The following LPGAT1 variants were observed in gnomAD, a reference collection of about 807,000 sequenced individuals.
LPGAT1 encodes acyl-CoA:lysophosphatidylglycerol acyltransferase 1.
A neutral mutation model predicts 47.5 loss-of-function variants in LPGAT1; 11 were observed. That is an observed-to-expected ratio of 0.23 (90% CI 0.15 to 0.38). The LOEUF (loss-of-function observed/expected upper bound fraction) is 0.38, where lower values mean the gene tolerates loss of function less well. Among genes scored for constraint, LPGAT1 ranks in the 10% least tolerant of loss-of-function variants. LPGAT1 has a pLI of 1.00. For synonymous variants in LPGAT1, 138 were observed against 144.2 expected, an observed-to-expected ratio of 0.96 and a Z score of 0.31; for missense variants, 293 against 439.0, an observed-to-expected ratio of 0.67 and a Z score of 2.97.
At chr1:211,788,231 T>C (rs1336729726) in intron 3 of LPGAT1, among the ~76,000 whole-genome samples, 1 of 152,200 alleles carries the variant, frequency 6.6e-6, no homozygotes, top group African/African-American at 2.4e-5. Context: ...CATATTCTAT[T>C]ATGAAGAATA....
chr1:211,765,093 C>T (rs781029458), intron 6 of LPGAT1, among the ~76,000 whole-genome samples: 9 of 152,156 alleles, frequency 5.9e-5, no homozygotes, highest in African/African-American at 9.7e-5. Flanking sequence ...GTGAACTCTC[C>T]GGTAAGCAAA....
chr1:211,828,708 T>C (rs1660621692), intron 2 of LPGAT1, among the ~76,000 whole-genome samples: 1 of 152,224 alleles, frequency 6.6e-6, no homozygotes, highest in Non-Finnish European at 1.5e-5. Context: ...TTTATGGGCA[T>C]CTTCCATGAA....
At position 211,830,668 on chromosome 1, in the gene LPGAT1, G is replaced by GGGCCCTGCCCCGCTCCGGCTGTGGCGC. The variant is rs562759380; in HGVS notation, c.-150_-124dup. 100 of 1,198,832 alleles carry GGGCCCTGCCCCGCTCCGGCTGTGGCGC rather than the reference G, an allele frequency of 8.3e-5. No homozygotes were observed. Among genetic ancestry groups the GGGCCCTGCCCCGCTCCGGCTGTGGCGC allele is most frequent in the Non-Finnish European group, 9.9e-5 (96 of 966,688 alleles). 74.3% of individuals were successfully genotyped at this position (1,198,832 alleles called of 1,614,324 possible). On this transcript the variant is annotated 5_prime_UTR_variant, in exon 1 of 8. Coordinates refer to ENST00000366997, the MANE Select transcript of LPGAT1 (RefSeq NM_014873.3). This position sits in a 1 kb window ranked among gnomAD's most constrained non-coding sequence, Gnocchi z 5.9. ...GGGCCGGCGGAAGAAGGCGGTGGCG[G>GGGCCCTGCCCCGCTCCGGCTGTGGCGC]GGCCCTGCCCCGCTCCGGCTGTGGC... is the stretch of plus-strand genomic sequence containing the variant.
Position 211,744,732 on chromosome 1 carries a change from A to C in LPGAT1, c.*5167T>G, listed in dbSNP as rs1223921648. ...ACAAACATGTATAGTTGAATACATA[A>C]TTTTCTCCCAGAAGAGTGAACTGCT... On this transcript the variant is annotated 3_prime_UTR_variant, in exon 8 of 8. Transcript: ENST00000366997. 1 of 152,244 alleles carries C rather than the reference A, an allele frequency of 6.6e-6. No individual in the cohort carries two copies. The highest frequency in any genetic ancestry group is 1.5e-5 in the Non-Finnish European group (1 of 68,046). The allele number at this position is 152,244 out of a possible 1,614,324, so 9.4% of individuals were successfully genotyped here.
In LPGAT1 at chr1:211,830,529, T is replaced by C; in HGVS notation, c.-28+44A>G. On this transcript the variant is annotated intron_variant, in intron 1 of 7. Transcript: ENST00000366997. This position sits in a 1 kb window ranked among gnomAD's most constrained non-coding sequence, Gnocchi z 5.9. ...CCCCCAGCGCCTCCCCTGGCCCGGC[T>C]CCGCTGCCGCTCTGGGGCCTGCGAC... The C allele has an allele frequency of 4.7e-6, 4 of 859,906 alleles. No homozygotes were observed. Among genetic ancestry groups the C allele is most frequent in the Non-Finnish European group, 4.3e-6 (3 of 700,854 alleles). The allele number at this position is 859,906 out of a possible 1,614,324, so 53.3% of individuals were successfully genotyped here.
intron 2 of LPGAT1, among the ~76,000 whole-genome samples, chr1:211,799,646 C>T (rs1247884431): frequency 6.6e-6 from 1 of 152,046 alleles, no homozygotes; most frequent in African/African-American, 2.4e-5. Context: ...CCAAAGTCCT[C>T]AACAAATAAG....
chr1:211,818,115 G>A (rs980208716), intron 2 of LPGAT1, among the ~76,000 whole-genome samples: 2 of 152,086 alleles, frequency 1.3e-5, no homozygotes, highest in Admixed American at 6.6e-5. Flanking sequence ...GATTACACGC[G>A]TGAACCACCG....
At position 211,830,236 on chromosome 1, in the gene LPGAT1, G is replaced by T. The variant is rs1299175717; in HGVS notation, c.-28+337C>A. 1 of 985,776 alleles carries T rather than the reference G, an allele frequency of 1.0e-6. No homozygotes were observed. Among genetic ancestry groups the T allele is most frequent in the African/African-American group, 1.8e-5 (1 of 57,020 alleles). The allele number at this position is 985,776 out of a possible 1,614,324, so 61.1% of individuals were successfully genotyped here. A position where few individuals can be genotyped will look rare whatever the true frequency, so the allele number is the denominator to read the frequency against. On this transcript the variant is annotated intron_variant, in intron 1 of 7. Coordinates refer to ENST00000366997, the MANE Select transcript of LPGAT1 (RefSeq NM_014873.3). This position sits in a 1 kb window ranked among gnomAD's most constrained non-coding sequence, Gnocchi z 5.9. The stretch of plus-strand genomic sequence containing the variant: ...CGGAGAGCGGGGGCGGGTGTCCCCC[G>T]CCGAGGGGTCGCGGTCATGGACGCG...
intron 6 of LPGAT1, among the ~76,000 whole-genome samples, chr1:211,763,595 A>G (rs1657791899): frequency 6.6e-6 from 1 of 152,232 alleles, no homozygotes; most frequent in Admixed American, 6.5e-5. Context: ...GTTAAGTAAC[A>G]TACGTATATA....
At chr1:211,780,883 C>T (rs929842011) in intron 5 of LPGAT1, among the ~76,000 whole-genome samples, 1 of 129,564 alleles carries the variant, frequency 7.7e-6, no homozygotes, top group Non-Finnish European at 1.6e-5. Flanking sequence ...ATTCTTTCAA[C>T]TCTTATGTAT....
chr1:211,821,451 G>A (rs1660367641), intron 2 of LPGAT1, among the ~76,000 whole-genome samples: 1 of 152,066 alleles, frequency 6.6e-6, no homozygotes, highest in South Asian at 2.1e-4. Flanking sequence ...AAAACAGATG[G>A]AAATGAAGCT....
chr1:211,830,155 G>GCGGGCGCGGCCCGCGCGC lies in LPGAT1; in HGVS notation c.-28+400_-28+417dup. 1.0e-6 allele frequency: 1 copy of GCGGGCGCGGCCCGCGCGC among 983,404 alleles called. No individual in the cohort carries two copies. 60.9% of individuals were successfully genotyped at this position (983,404 alleles called of 1,614,324 possible). A position where few individuals can be genotyped will look rare whatever the true frequency, so the allele number is the denominator to read the frequency against. ...CCGCGGATGTGGAAGGGTCGTGGCG[G>GCGGGCGCGGCCCGCGCGC]CGGGCGCGGCCCGCGCGCCGGGCTC... On this transcript the variant is annotated intron_variant, in intron 1 of 7. Coordinates refer to ENST00000366997, the MANE Select transcript of LPGAT1 (RefSeq NM_014873.3). The surrounding 1 kb of genome is among the most constrained non-coding windows in gnomAD (Gnocchi z 5.9).
At chr1:211,825,587 GC>G (rs1660522225) in intron 2 of LPGAT1, among the ~76,000 whole-genome samples, 1 of 152,038 alleles carries the variant, frequency 6.6e-6, no homozygotes, top group African/African-American at 2.4e-5. Context: ...CTTTTGGTTT[GC>G]CCTTGAAATA....
intron 2 of LPGAT1, among the ~76,000 whole-genome samples, chr1:211,813,990 T>G (rs1660087935): frequency 1.3e-5 from 2 of 152,218 alleles, no homozygotes; most frequent in Non-Finnish European, 2.9e-5. Flanking sequence ...AACATTCTTT[T>G]TTAAGGTCAA....
chr1:211,785,286 G>A (rs576894803), intron 4 of LPGAT1, among the ~76,000 whole-genome samples: 1 of 152,260 alleles, frequency 6.6e-6, no homozygotes, highest in East Asian at 1.9e-4. Flanking sequence ...TAGCTATTAA[G>A]TTCTCAAGAT....
intron 2 of LPGAT1, among the ~76,000 whole-genome samples, chr1:211,808,327 G>A (rs1374547669): frequency 3.6e-5 from 5 of 139,930 alleles, no homozygotes; most frequent in Non-Finnish European, 7.6e-5. Flanking sequence ...TCCAGTCTGC[G>A]CAACAAGGGC....
rs756744641 is a variant in LPGAT1, at chr1:211,783,254, T to C, written c.702A>G (p.Pro234=). 1.2e-6 allele frequency: 2 copies of C among 1,612,578 alleles called. No individual in the cohort carries two copies. The highest frequency in any genetic ancestry group is 2.7e-5 in the African/African-American group (2 of 74,918). ...CTAATTCTTTAGCATCTCCTCCTGC[T>C]GGACTTCCATTTTTCTGTTGTGCTA... ...ALVAQQKNGS[P]AGGDAKELDS... The change falls in exon 5 of 8, where the codon CCA becomes CCG. Residue 234 remains proline, a synonymous_variant. Coordinates refer to ENST00000366997, the MANE Select transcript of LPGAT1 (RefSeq NM_014873.3).
At chr1:211,828,976 C>T in intron 2 of LPGAT1, 83 bp downstream of exon 2, 1 of 1,407,538 alleles carries the variant, frequency 7.1e-7, no homozygotes, top group Non-Finnish European at 9.8e-7. Flanking sequence ...AAAGCATCCT[C>T]AACCCAAAGT....
chr1:211,796,570 G>A (rs1361577035), intron 2 of LPGAT1, among the ~76,000 whole-genome samples: 1 of 152,152 alleles, frequency 6.6e-6, no homozygotes, highest in African/African-American at 2.4e-5. Context: ...TTCCAGAACT[G>A]TGAAAGAATA....
Sources: gnomAD v4.1 joint callset for allele counts (sites outside exome capture counted in the v4.1 genomes callset) on GRCh38, gnomAD v4.1.1 for gene constraint, Gnocchi (gnomAD v3.1) non-coding constraint, MANE v1.5 for transcripts, NCBI Gene and HGNC (gene_info 2026-07-23, HGNC 2026-07-21) for gene names.